CCDC88A: variants seen among roughly 807,000 people sequenced by gnomAD.
The protein encoded by CCDC88A is coiled-coil and HOOK domain protein 88A.
Under a neutral mutation model 234.3 loss-of-function variants are expected in CCDC88A, and 54 were observed. The ratio of observed to expected loss-of-function variants is 0.23; its 90% CI spans 0.19 to 0.29. The LOEUF is 0.29. CCDC88A is among the 10% of genes least tolerant of loss of function. The pLI, the probability that CCDC88A is intolerant of heterozygous loss-of-function variation, is 1.00. For synonymous variants in CCDC88A, 753 were observed against 737.8 expected, an observed-to-expected ratio of 1.02 and a Z score of -0.33; for missense variants, 1,832 against 2,123.4, an observed-to-expected ratio of 0.86 and a Z score of 2.70.
At chr2:55,341,140 C>CTTTTTTTTTTTTTTTTTTTTTTTTTTTT (rs562623314) in intron 12 of CCDC88A, among the ~76,000 whole-genome samples, 1 of 81,364 alleles carries the variant, frequency 1.2e-5, no homozygotes, top group Non-Finnish European at 2.5e-5. Flanking sequence ...GAATTTCTTT[C>CTTTTTTTTTTTTTTTTTTTTTTTTTTTT]TTTTTTTTTT....
chr2:55,354,052 G>GT (rs1670240060), intron 8 of CCDC88A, among the ~76,000 whole-genome samples: 1 of 151,986 alleles, frequency 6.6e-6, no homozygotes, highest in South Asian at 2.1e-4. Context: ...GTAGGCAACT[G>GT]TAACACAATG....
In CCDC88A at chr2:55,296,351, A is replaced by C. The variant is rs1264598929; in HGVS notation, c.4998T>G (p.Ser1666Arg). 6.2e-7 allele frequency: 1 copy of C among 1,613,984 alleles called. No individual in the cohort carries two copies. The highest frequency in any genetic ancestry group is 1.1e-5 in the South Asian group (1 of 91,070). ...LQHKISETLE[S>R]RHHKIKTGSP... ...AACCAGTTTTGATCTTGTGATGTCG[A>C]CTCTCCAGTGTTTCAGATATTTTGT... Residue 1666 changes from serine (S) to arginine (R), a missense_variant, in exon 30 of 33, where the codon AGT becomes AGG. Coordinates refer to ENST00000436346, the MANE Select transcript of CCDC88A (RefSeq NM_001365480.1).
intron 26 of CCDC88A, chr2:55,302,760 T>C (rs2104574995): frequency 5.4e-6 from 1 of 185,620 alleles, no homozygotes; most frequent in East Asian, 1.3e-4. Context: ...GTAAACTTCT[T>C]TGGGAAAAAA....
At chr2:55,368,436 TTC>T (rs10558653) in intron 5 of CCDC88A, among the ~76,000 whole-genome samples, 7,304 of 151,636 alleles carry the variant, frequency 0.048, 307 homozygotes, top group African/African-American at 0.12. Context: ...CAATGCTTGT[TTC>T]TCTCTCTCTT....
chr2:55,318,735 T>C (rs1683260052), intron 19 of CCDC88A, 108 bp downstream of exon 19: 2 of 869,742 alleles, frequency 2.3e-6, no homozygotes, highest in Non-Finnish European at 3.3e-6. Context: ...TTTTCATTTA[T>C]CTTTAAGTTC....
At chr2:55,366,368 A>G (rs537916466) in intron 5 of CCDC88A, among the ~76,000 whole-genome samples, 1 of 152,222 alleles carries the variant, frequency 6.6e-6, no homozygotes, top group Admixed American at 6.5e-5. Context: ...TCTATTAAAA[A>G]TACAAAAAAT....
rs1482578865 is a variant in CCDC88A, at chr2:55,289,577, A to G, written c.*1623T>C. 6.6e-6 allele frequency: 1 copy of G among 152,168 alleles called. No homozygotes were observed. Among genetic ancestry groups the G allele is most frequent in the Non-Finnish European group, 1.5e-5 (1 of 68,016 alleles). The allele number at this position is 152,168 out of a possible 1,614,324, so 9.4% of individuals were successfully genotyped here. On this transcript the variant is annotated 3_prime_UTR_variant, in exon 33 of 33. Coordinates refer to ENST00000436346, the MANE Select transcript of CCDC88A (RefSeq NM_001365480.1). ...AGCACCTTTCATCCAAGATTTTCAA[A>G]ATGATTTAACGTTAACAGCATTTGG...
rs1234130864 is a variant in CCDC88A at position 55,366,523 on chromosome 2, T to TCA, written c.403-2492_403-2491dup. Among the ~76,000 whole-genome samples the TCA allele has an allele frequency of 2.1e-3, 273 of 127,912 alleles. 1 individual carries two copies. In the Middle Eastern group the frequency reaches 0.024, roughly 11 times the overall value. The allele number at this position is 127,912 out of a possible 152,430, so 83.9% of individuals were successfully genotyped here. A position where few individuals can be genotyped will look rare whatever the true frequency, so the allele number is the denominator to read the frequency against. The stretch of plus-strand genomic sequence containing the variant: ...GCCTAGGCAACAGAGCAAGACTCTG[T>TCA]CACACACACATACACACACACACAC... On this transcript the variant is annotated intron_variant, in intron 5 of 32. Transcript: ENST00000436346.
intron 31 of CCDC88A, chr2:55,295,329 G>T (rs1275847484): frequency 6.7e-7 from 1 of 1,491,304 alleles, no homozygotes; most frequent in South Asian, 1.2e-5. Flanking sequence ...AACTAATTCT[G>T]TATTCAGGGA....
At chr2:55,406,785 G>C (rs13405484) in intron 2 of CCDC88A, among the ~76,000 whole-genome samples, 2,357 of 151,778 alleles carry the variant, frequency 0.016, 65 homozygotes, top group African/African-American at 0.053. Context: ...TCAAAGACTA[G>C]TATCCAACAT....
At chr2:55,314,039 G>C in intron 22 of CCDC88A, 1 of 152,228 alleles carries the variant, frequency 6.6e-6, no homozygotes, top group East Asian at 1.9e-4. Context: ...TTGGCCAAGA[G>C]AAAGAGGTGG....
In CCDC88A at chr2:55,332,575, G is replaced by A. The variant is rs754967313; in HGVS notation, c.2846C>T (p.Thr949Ile). 6.2e-7 allele frequency: 1 copy of A among 1,612,154 alleles called. No individual in the cohort carries two copies. The highest frequency in any genetic ancestry group is 8.5e-7 in the Non-Finnish European group (1 of 1,179,436). Residue 949 changes from threonine (T) to isoleucine (I), a missense_variant, in exon 16 of 33, where the codon ACT becomes ATT. This residue lies in a region of CCDC88A where 1,282 missense variants were observed against 1,543.6 expected (regional missense o/e 0.83). Transcript: ENST00000436346. This position sits in a 1 kb window ranked among gnomAD's most constrained non-coding sequence, Gnocchi z 4.5. ...TAGACTTAGTACTCACCTGTCATCA[G>A]TACTTTGTTCATCATGTAAGAGTCG... ...KERLLHDEQS[T>I]DDSRYKLLES...
At position 55,355,940 on chromosome 2, in the gene CCDC88A, C is replaced by G. The variant is rs572886278; in HGVS notation, c.628-189G>C. 1.6e-5 allele frequency: 7 copies of G among 435,970 alleles called. No homozygotes were observed. The South Asian group carries it at 3.2e-4, about 20-fold the overall frequency. 27.0% of individuals were successfully genotyped at this position (435,970 alleles called of 1,614,324 possible). ...AACAGTTCATGCATGGGCTACTTAG[C>G]AAATGACACTTAACAAGATAATAAT... On this transcript the variant is annotated intron_variant, in intron 7 of 32. Transcript: ENST00000436346.
intron 3 of CCDC88A, among the ~76,000 whole-genome samples, chr2:55,375,121 T>C (rs543729535): frequency 1.4e-4 from 21 of 152,274 alleles, no homozygotes; most frequent in Middle Eastern, 6.8e-3. Flanking sequence ...CGATGGCTCA[T>C]GCCTGTAATC....
intron 2 of CCDC88A, among the ~76,000 whole-genome samples, chr2:55,413,308 T>C (rs1158581134): frequency 6.6e-6 from 1 of 152,118 alleles, no homozygotes; most frequent in African/African-American, 2.4e-5. Context: ...ATAATAATAA[T>C]GACAGCAACC....
chr2:55,410,919 G>A (rs531581608), intron 2 of CCDC88A, among the ~76,000 whole-genome samples: 48 of 151,364 alleles, frequency 3.2e-4, no homozygotes, highest in African/African-American at 1.2e-3. Flanking sequence ...TATTAAACTA[G>A]TAAAATAGAT....
intron 26 of CCDC88A, chr2:55,302,795 GT>G (rs891063091): frequency 1.7e-5 from 4 of 234,678 alleles, no homozygotes; most frequent in Non-Finnish European, 3.3e-5. Context: ...AAAATAAAGG[GT>G]TTTTTTCCTG....
chr2:55,322,498 C>A, intron 18 of CCDC88A, 30 bp downstream of exon 18: 2 of 1,343,146 alleles, frequency 1.5e-6, no homozygotes, highest in Non-Finnish European at 1.0e-6. Context: ...CTAAAAAAAA[C>A]TATTTCTACT....
At chr2:55,340,095 A>AG (rs1250834641) in intron 12 of CCDC88A, 1 of 152,902 alleles carries the variant, frequency 6.5e-6, no homozygotes, top group African/African-American at 2.4e-5. Flanking sequence ...CTGGGATTAC[A>AG]GGCATGAGCC....
Sources: allele counts gnomAD v4.1 joint callset (sites outside exome capture counted in the v4.1 genomes callset), GRCh38; gene constraint gnomAD v4.1.1; regional missense constraint gnomAD v4.1.1; non-coding constraint Gnocchi (gnomAD v3.1); transcripts MANE v1.5; gene names NCBI Gene and HGNC (gene_info 2026-07-23, HGNC 2026-07-21).